LOXL4: variants seen among roughly 807,000 people sequenced by gnomAD.
The protein encoded by LOXL4 is lysyl oxidase homolog 4.
In LOXL4, 72 loss-of-function variants were observed where a neutral mutation model predicts 89.1. The observed-to-expected ratio is 0.81, with a 90% CI of 0.67 to 0.98. The LOEUF is 0.98. Ranked by LOEUF, LOXL4 falls within the 50% of genes least tolerant of loss-of-function variation. The probability of loss-of-function intolerance (pLI) is 0.00; values close to 1 mark genes in which losing one functional copy is unlikely to be tolerated. For missense variants in LOXL4, 984 were observed against 1,017.5 expected, an observed-to-expected ratio of 0.97 and a Z score of 0.45; for synonymous variants, 355 against 392.1, an observed-to-expected ratio of 0.91 and a Z score of 1.12.
rs749868336 is a variant in LOXL4 at position 98,251,109 on chromosome 10, C to T, written c.2156G>A (p.Cys719Tyr). The T allele has an allele frequency of 4.3e-6, 7 of 1,613,998 alleles. No homozygotes were observed. Among genetic ancestry groups the T allele is most frequent in the East Asian group, 4.5e-5 (2 of 44,898 alleles). The stretch of plus-strand genomic sequence containing the variant: ...CCAGACCCGGTGCCCATCATACTTG[C>T]AGCGGCACTGCAGCATATTGTTGGA... ...DFSNNMLQCR[C>Y]KYDGHRVWLH... is the part of the protein sequence containing the mutation. Residue 719 changes from cysteine to tyrosine, a missense_variant, in exon 14 of 15, where the codon TGC (cysteine) becomes TAC (tyrosine). Physicochemically the swap from Cys to Tyr is radical, Grantham distance 194 (BLOSUM62 -2). Transcript: ENST00000260702.
chr10:98,253,506 C>CT (rs765133404), intron 11 of LOXL4, 47 bp downstream of exon 11: 6 of 1,612,008 alleles, frequency 3.7e-6, no homozygotes, highest in Non-Finnish European at 5.1e-6. Flanking sequence ...CTGGACCCTG[C>CT]TTTTTGTTCC....
In LOXL4 at chr10:98,255,728, G is replaced by A. The variant is rs1296271757; in HGVS notation, c.1440C>T (p.Phe480=). 3 of 1,610,174 alleles carry A rather than the reference G, an allele frequency of 1.9e-6. No individual in the cohort carries two copies. Among genetic ancestry groups the A allele is most frequent in the Non-Finnish European group, 2.5e-6 (3 of 1,176,782 alleles). ...CCTGGGCCCTTGGCGTCCCCGACCA[G>A]AACCAGGTTTCCTAAGAAGACAGCC... ...FAIHAYKETW[F]WSGTPRAQEV... Residue 480 remains phenylalanine, a synonymous_variant, in exon 10 of 15, where the codon TTC becomes TTT. Transcript: ENST00000260702.
rs1421446257 is a variant in LOXL4 at position 98,247,891 on chromosome 10, A to G, written c.*1030T>C. The G allele has an allele frequency of 6.6e-6, 1 of 152,168 alleles. No homozygotes were observed. Among genetic ancestry groups the G allele is most frequent in the Admixed American group, 6.5e-5 (1 of 15,280 alleles). The allele number at this position is 152,168 out of a possible 1,614,324, so 9.4% of individuals were successfully genotyped here. Reference sequence around the variant, plus strand: ...CTTTCCCAGGTTCCATCCTTAACTAAACTGACTGTTCCCCCTTCTGATTTC... The same window carrying G: ...CTTTCCCAGGTTCCATCCTTAACTAGACTGACTGTTCCCCCTTCTGATTTC... On this transcript the variant is annotated 3_prime_UTR_variant, in exon 15 of 15. Coordinates refer to ENST00000260702, the MANE Select transcript of LOXL4 (RefSeq NM_032211.7).
intron 14 of LOXL4, among the ~76,000 whole-genome samples, chr10:98,250,717 C>T (rs1858166375): frequency 6.6e-6 from 1 of 152,150 alleles, no homozygotes; most frequent in African/African-American, 2.4e-5. Context: ...CTAACCCTAA[C>T]TTCTATATGA....
intron 9 of LOXL4, 193 bp downstream of exon 9, chr10:98,256,587 T>C (rs1484704559): frequency 3.2e-6 from 2 of 626,584 alleles, no homozygotes; most frequent in East Asian, 2.8e-5. Context: ...GTGTCCCTCA[T>C]TGACGATTTC....
chr10:98,259,526 CT>C, intron 4 of LOXL4, 97 bp from the exon 5 acceptor site: 1 of 1,070,506 alleles, frequency 9.3e-7, no homozygotes, highest in Non-Finnish European at 1.4e-6. Context: ...TTGCACAGGA[CT>C]TTACATTTTG....
chr10:98,253,485 CA>C, intron 11 of LOXL4, 67 bp downstream of exon 11: 6 of 1,604,564 alleles, frequency 3.7e-6, no homozygotes, highest in Non-Finnish European at 5.1e-6. Context: ...AGGGAAGGGC[CA>C]AACTGCTCCC....
At chr10:98,252,116 A>G in intron 12 of LOXL4, 5 of 528,600 alleles carry the variant, frequency 9.5e-6, no homozygotes, top group Non-Finnish European at 1.7e-5. Flanking sequence ...CTCTTCTCCA[A>G]GATGGAAAGT....
intron 14 of LOXL4, among the ~76,000 whole-genome samples, 197 bp from the exon 15 acceptor site, chr10:98,249,188 T>G (rs189439908): frequency 3.3e-5 from 5 of 152,310 alleles, no homozygotes; most frequent in African/African-American, 7.2e-5. Context: ...AGGCTATTGA[T>G]TGGAAAGAGT....
chr10:98,259,045 C>A lies in LOXL4; in HGVS notation c.885G>T (p.Pro295=). The change falls in exon 6 of 15, where the codon CCG becomes CCT. Residue 295 remains proline (P), a synonymous_variant. Transcript: ENST00000260702. Reference sequence around the variant, plus strand: ...ACCCTTTGCGTTGTGGCTTTGTCTTCGGTGGGCGGAAGTGAGGCCCTGCCA... The same window carrying A: ...ACCCTTTGCGTTGTGGCTTTGTCTTAGGTGGGCGGAAGTGAGGCCCTGCCA... The part of the protein sequence containing the change: ...SCVAGPHFRP[P]KTKPQRKGSW... The A allele has an allele frequency of 6.4e-7, 1 of 1,561,562 alleles. No homozygotes were observed. The highest frequency in any genetic ancestry group is 1.2e-5 in the South Asian group (1 of 85,164).
At chr10:98,250,551 CCTCTT>C (rs1237459795) in intron 14 of LOXL4, among the ~76,000 whole-genome samples, 2 of 152,084 alleles carry the variant, frequency 1.3e-5, no homozygotes, top group Admixed American at 6.5e-5. Flanking sequence ...CAGAACAGCC[CCTCTT>C]CTCTGCCCCC....
chr10:98,263,850 C>A (rs895513451), intron 1 of LOXL4, among the ~76,000 whole-genome samples: 1 of 151,464 alleles, frequency 6.6e-6, no homozygotes, highest in Non-Finnish European at 1.5e-5. Context: ...TCTGCCTCAT[C>A]CTCCTGAGTA....
intron 7 of LOXL4, 72 bp downstream of exon 7, chr10:98,257,909 C>T: frequency 5.7e-6 from 9 of 1,580,226 alleles, no homozygotes; most frequent in Non-Finnish European, 7.8e-6. Flanking sequence ...GGCCCTGTCA[C>T]CCCAGGGCCT....
Position 98,248,757 on chromosome 10 carries a change from C to T in LOXL4, c.*164G>A. On this transcript the variant is annotated 3_prime_UTR_variant, in exon 15 of 15. Coordinates refer to ENST00000260702, the MANE Select transcript of LOXL4 (RefSeq NM_032211.7). ...CAGAGCCATCCTGAGGGAGCAATAC[C>T]ATCTGGATTGGTGATCTTGCCATCA... The T allele has an allele frequency of 1.6e-6, 1 of 643,444 alleles. No homozygotes were observed. The highest frequency in any genetic ancestry group is 2.8e-6 in the Non-Finnish European group (1 of 360,716). 39.9% of individuals were successfully genotyped at this position (643,444 alleles called of 1,614,324 possible).
Position 98,253,512 on chromosome 10 carries a change from G to C in LOXL4, c.1835+41C>G, listed in dbSNP as rs762336075. 2.5e-6 allele frequency: 4 copies of C among 1,612,642 alleles called. No individual in the cohort carries two copies. In the Admixed American group the frequency reaches 6.7e-5, roughly 27 times the overall value. Reference sequence around the variant, plus strand: ...AACTGCTCCCTGGACCCTGCTTTTTGTTCCTAACCCTCTAGTGCCAATGCA... The same window carrying C: ...AACTGCTCCCTGGACCCTGCTTTTTCTTCCTAACCCTCTAGTGCCAATGCA... On this transcript the variant is annotated intron_variant, in intron 11 of 14. Transcript: ENST00000260702.
At chr10:98,260,071 C>T (rs191894419) in intron 4 of LOXL4, among the ~76,000 whole-genome samples, 1 of 152,230 alleles carries the variant, frequency 6.6e-6, no homozygotes, top group Admixed American at 6.5e-5. Context: ...GGGAAACACA[C>T]AAGTCCTCCC....
rs1590885297 is a variant in LOXL4, at chr10:98,263,033, A to G, written c.-14T>C. On this transcript the variant is annotated 5_prime_UTR_variant, in exon 2 of 15. Transcript: ENST00000260702. ...GGACCACGCCATGGTGACTTCAAGG[A>G]CAGCTGAGGCCAAGATACCTGAGGA... 1 of 1,610,666 alleles carries G rather than the reference A, an allele frequency of 6.2e-7. No homozygotes were observed. Among genetic ancestry groups the G allele is most frequent in the East Asian group, 2.2e-5 (1 of 44,746 alleles).
At chr10:98,251,987 C>A in intron 12 of LOXL4, 1 of 511,956 alleles carries the variant, frequency 2.0e-6, no homozygotes, top group Non-Finnish European at 3.5e-6. Flanking sequence ...TCCTTCCAAA[C>A]CTCTAAAGAT....
At chr10:98,256,711 C>T in intron 9 of LOXL4, 69 bp downstream of exon 9, 1 of 1,585,218 alleles carries the variant, frequency 6.3e-7, no homozygotes, top group Non-Finnish European at 8.6e-7. Context: ...GCAGCTTTAG[C>T]ACAGGAAGTT....
Sources: allele counts gnomAD v4.1 joint callset (sites outside exome capture counted in the v4.1 genomes callset), GRCh38; gene constraint gnomAD v4.1.1; transcripts MANE v1.5; gene names NCBI Gene and HGNC (gene_info 2026-07-23, HGNC 2026-07-21).